The following PARD3B variants were observed in gnomAD, a reference collection of about 807,000 sequenced individuals.
PARD3B encodes partitioning defective 3 homolog B.
PARD3B carries 103 observed loss-of-function variants against 130.2 expected under a neutral mutation model. The observed-to-expected ratio is 0.79, with a 90% confidence interval of 0.67 to 0.93. The LOEUF (loss-of-function observed/expected upper bound fraction) is 0.93. PARD3B is among the 40% of genes least tolerant of loss of function. PARD3B has a pLI of 0.00. For missense variants in PARD3B, 1,609 were observed against 1,499.2 expected (o/e 1.07, Z -1.21); for synonymous variants, 583 against 553.2 (o/e 1.05, Z -0.76).
chr2:204,680,560 T>C (rs1219303373), intron 1 of PARD3B, among the ~76,000 whole-genome samples: 1 of 152,100 alleles, frequency 6.6e-6, no homozygotes, highest in Non-Finnish European at 1.5e-5. Context: ...CTCTTTATTT[T>C]CTTCACTGTG....
At chr2:204,551,548 C>G (rs1356804330) in intron 1 of PARD3B, among the ~76,000 whole-genome samples, 1 of 152,136 alleles carries the variant, frequency 6.6e-6, no homozygotes, top group East Asian at 1.9e-4. Context: ...TCCCCTCCCT[C>G]CTCTTTCTCT....
chr2:204,988,477 A>G (rs1445135248), intron 3 of PARD3B, among the ~76,000 whole-genome samples: 21 of 152,164 alleles, frequency 1.4e-4, no homozygotes, highest in Non-Finnish European at 1.5e-5. Context: ...ACATTTCAAA[A>G]TAACTAAAAG....
chr2:205,245,161 C>T (rs72940320), intron 15 of PARD3B, among the ~76,000 whole-genome samples: 8,359 of 152,226 alleles, frequency 0.055, 350 homozygotes, highest in East Asian at 0.22. Flanking sequence ...CTTTCCCGCA[C>T]GGCTGCCTGG....
At chr2:205,294,080 T>C (rs2041703061) in intron 16 of PARD3B, among the ~76,000 whole-genome samples, 1 of 152,178 alleles carries the variant, frequency 6.6e-6, no homozygotes, top group East Asian at 1.9e-4. Context: ...ACTTAATTTT[T>C]CAGTTATTTT....
intron 10 of PARD3B, among the ~76,000 whole-genome samples, chr2:205,131,332 T>A (rs1457941285): frequency 2.6e-5 from 4 of 152,228 alleles, no homozygotes; most frequent in Non-Finnish European, 5.9e-5. Flanking sequence ...TTATGTATTC[T>A]CCAAGTAACA....
At position 205,078,450 on chromosome 2, in the gene PARD3B, T is replaced by C. The variant is rs1380134387; in HGVS notation, c.505-25976T>C. Among the ~76,000 whole-genome samples the C allele has an allele frequency of 6.6e-6, 1 of 152,202 alleles. No homozygotes were observed. Among genetic ancestry groups the C allele is most frequent in the Non-Finnish European group, 1.5e-5 (1 of 68,024 alleles). ...CCACTTTTTTTCCTGAGTAATTCTG[T>C]CTCTTAATGAATGCTACTTAATCCA... On this transcript the variant is annotated intron_variant, in intron 4 of 22. Transcript: ENST00000406610. The surrounding 1 kb of genome is among the most constrained non-coding windows in gnomAD (Gnocchi z 4.0).
Position 205,276,649 on chromosome 2 carries a change from C to T in PARD3B, c.2186-23881C>T, listed in dbSNP as rs930144798. ...AGAGAAGCTCCAAAGTGGCTTGCAGCGCTTTATCAGCCGACATTTACACAG... is the reference window on the plus strand; with the variant it reads ...AGAGAAGCTCCAAAGTGGCTTGCAGTGCTTTATCAGCCGACATTTACACAG... On this transcript the variant is annotated intron_variant, in intron 16 of 22. Coordinates refer to ENST00000406610, the MANE Select transcript of PARD3B (RefSeq NM_001302769.2). The surrounding 1 kb of genome is among the most constrained non-coding windows in gnomAD (Gnocchi z 5.0). Among the ~76,000 whole-genome samples the T allele has an allele frequency of 2.0e-5, 3 of 152,074 alleles. No homozygotes were observed. The highest frequency in any genetic ancestry group is 4.4e-5 in the Non-Finnish European group (3 of 68,020).
intron 4 of PARD3B, among the ~76,000 whole-genome samples, chr2:205,084,032 G>T (rs907344409): frequency 2.6e-5 from 4 of 151,984 alleles, no homozygotes; most frequent in Non-Finnish European, 2.9e-5. Context: ...TCTGACAAAA[G>T]TAGTGAATAA....
chr2:204,806,768 A>G (rs1407330267), intron 2 of PARD3B, among the ~76,000 whole-genome samples: 2 of 152,338 alleles, frequency 1.3e-5, no homozygotes, highest in East Asian at 1.9e-4. Flanking sequence ...ACCAGAATGT[A>G]TAAGGAGCTC....
At chr2:205,577,502 G>A (rs533591450) in intron 22 of PARD3B, among the ~76,000 whole-genome samples, 5 of 152,224 alleles carry the variant, frequency 3.3e-5, no homozygotes, top group African/African-American at 1.2e-4. Flanking sequence ...TGCACTGCGG[G>A]TGATAGGTGA....
intron 15 of PARD3B, among the ~76,000 whole-genome samples, chr2:205,206,249 G>A (rs1299729267): frequency 3.5e-5 from 5 of 142,922 alleles, no homozygotes; most frequent in Non-Finnish European, 7.5e-5. Context: ...AAGTTTTAGG[G>A]TACATGTGCA....
intron 2 of PARD3B, among the ~76,000 whole-genome samples, chr2:204,777,640 A>G (rs1416150506): frequency 1.3e-5 from 2 of 152,058 alleles, no homozygotes; most frequent in African/African-American, 4.8e-5. Context: ...ATTGTGGTGC[A>G]TGCTTGTGGT....
At chr2:205,148,504 C>T (rs1318211556) in intron 10 of PARD3B, among the ~76,000 whole-genome samples, 1 of 152,116 alleles carries the variant, frequency 6.6e-6, no homozygotes, top group East Asian at 1.9e-4. Flanking sequence ...AATAGCTACC[C>T]AGTGCTTCTT....
chr2:204,846,884 C>A (rs2044483060), intron 2 of PARD3B, among the ~76,000 whole-genome samples: 1 of 151,928 alleles, frequency 6.6e-6, no homozygotes, highest in South Asian at 2.1e-4. Context: ...GTCCACCATT[C>A]CTTTCAAACT....
chr2:205,596,151 T>G (rs1034305088), intron 22 of PARD3B, among the ~76,000 whole-genome samples: 1 of 152,148 alleles, frequency 6.6e-6, no homozygotes, highest in Non-Finnish European at 1.5e-5. Flanking sequence ...AGGTTTGTAA[T>G]TACATTAATA....
intron 3 of PARD3B, among the ~76,000 whole-genome samples, chr2:205,024,016 A>G (rs972879707): frequency 1.2e-4 from 19 of 152,052 alleles, no homozygotes; most frequent in Admixed American, 7.2e-4. Flanking sequence ...CACTGCTGCT[A>G]TGGTGGTAAT....
At position 205,158,800 on chromosome 2, in the gene PARD3B, G is replaced by A. The variant is rs1279491590; in HGVS notation, c.1513G>A (p.Gly505Ser). ...CTTTGAGATCCCCCTGAATGATTCA[G>A]GTTCTGCTGGCCTCGGGGTGAGCTT... is the stretch of plus-strand genomic sequence containing the variant. Reference protein sequence around the residue: ...LTFEIPLNDSGSAGLGVSLKG... With the variant: ...LTFEIPLNDSSSAGLGVSLKG... Residue 505 changes from glycine to serine, a missense_variant, in exon 11 of 23, where the codon GGT becomes AGT. Coordinates refer to ENST00000406610, the MANE Select transcript of PARD3B (RefSeq NM_001302769.2). This position sits in a 1 kb window ranked among gnomAD's most constrained non-coding sequence, Gnocchi z 5.4. 10 of 1,614,050 alleles carry A rather than the reference G, an allele frequency of 6.2e-6. No homozygotes were observed. Among genetic ancestry groups the A allele is most frequent in the Non-Finnish European group, 8.5e-6 (10 of 1,180,022 alleles).
chr2:204,693,350 C>A (rs538234125), intron 2 of PARD3B, among the ~76,000 whole-genome samples: 2 of 151,886 alleles, frequency 1.3e-5, no homozygotes, highest in African/African-American at 4.8e-5. Flanking sequence ...TTTTGTGCCT[C>A]GTATGTAGGC....
chr2:205,581,701 C>A (rs2053996946), intron 22 of PARD3B, among the ~76,000 whole-genome samples: 2 of 151,192 alleles, frequency 1.3e-5, no homozygotes, highest in Non-Finnish European at 1.5e-5. Context: ...ATGTCTGTAT[C>A]CAAACATCAC....
Sources: gnomAD v4.1 joint callset for allele counts (sites outside exome capture counted in the v4.1 genomes callset) on GRCh38, gnomAD v4.1.1 for gene constraint, Gnocchi (gnomAD v3.1) non-coding constraint, MANE v1.5 for transcripts, NCBI Gene and HGNC (gene_info 2026-07-23, HGNC 2026-07-21) for gene names.